Variants in ZNF804B observed in about 807,000 individuals in gnomAD.
The protein encoded by ZNF804B is zinc finger 804B.
A neutral mutation model predicts 101.4 loss-of-function variants in ZNF804B; 80 were observed. The ratio of observed to expected loss-of-function variants is 0.79; its 90% confidence interval spans 0.66 to 0.95. The LOEUF (loss-of-function observed/expected upper bound fraction) is 0.95. Ranked by LOEUF, ZNF804B falls within the 40% of genes least tolerant of loss-of-function variation. The probability of loss-of-function intolerance (pLI) is 0.00; values close to 1 mark genes in which losing one functional copy is unlikely to be tolerated. For missense variants in ZNF804B, 1,673 were observed against 1,561.9 expected (o/e 1.07, Z -1.20); for synonymous variants, 622 against 558.8 (o/e 1.11, Z -1.59).
At chr7:89,327,209 G>A in intron 2 of ZNF804B, 135 bp from the exon 3 acceptor site, 1 of 733,740 alleles carries the variant, frequency 1.4e-6, no homozygotes, top group Non-Finnish European at 2.0e-6. Flanking sequence ...TAGCAACAAT[G>A]GAGAAGATAC....
intron 1 of ZNF804B, among the ~76,000 whole-genome samples, chr7:88,770,065 C>A (rs888753299): frequency 5.3e-5 from 8 of 152,032 alleles, no homozygotes; most frequent in African/African-American, 1.7e-4. Context: ...AAATTCTTTG[C>A]CTTATTTATA....
intron 2 of ZNF804B, among the ~76,000 whole-genome samples, chr7:89,271,995 C>A (rs542202041): frequency 6.6e-5 from 10 of 152,078 alleles, no homozygotes; most frequent in Admixed American, 4.6e-4. Flanking sequence ...TAAAAACCTT[C>A]ATTGTGTCTT....
intron 1 of ZNF804B, among the ~76,000 whole-genome samples, chr7:89,015,161 A>G (rs1788526778): frequency 6.6e-6 from 1 of 152,124 alleles, no homozygotes; most frequent in African/African-American, 2.4e-5. Flanking sequence ...GGCTGCAGCT[A>G]TGTGAATTAC....
intron 1 of ZNF804B, among the ~76,000 whole-genome samples, chr7:89,181,762 T>A (rs1340622024): frequency 6.6e-6 from 1 of 152,232 alleles, no homozygotes; most frequent in Non-Finnish European, 1.5e-5. Flanking sequence ...TATTTAGCCA[T>A]CTTGTTTTGC....
intron 1 of ZNF804B, among the ~76,000 whole-genome samples, chr7:89,015,786 G>T (rs1192665905): frequency 6.6e-6 from 1 of 152,056 alleles, no homozygotes; most frequent in Non-Finnish European, 1.5e-5. Flanking sequence ...GAATAGTGCC[G>T]CAATAAACAT....
chr7:89,185,246 A>G (rs1206017594), intron 1 of ZNF804B, among the ~76,000 whole-genome samples: 1 of 152,206 alleles, frequency 6.6e-6, no homozygotes, highest in African/African-American at 2.4e-5. Context: ...CTGAAGCTAT[A>G]AACTTGATTT....
chr7:88,820,933 C>A (rs1790971528), intron 1 of ZNF804B, among the ~76,000 whole-genome samples: 1 of 152,046 alleles, frequency 6.6e-6, no homozygotes, highest in African/African-American at 2.4e-5. Flanking sequence ...TGTCAGAAAG[C>A]AGTTTGTTTT....
At chr7:89,051,970 C>A (rs1398976926) in intron 1 of ZNF804B, among the ~76,000 whole-genome samples, 1 of 152,054 alleles carries the variant, frequency 6.6e-6, no homozygotes, top group East Asian at 1.9e-4. Flanking sequence ...ACATTTTCCC[C>A]TTGTGATTTT....
chr7:88,968,385 TCAC>T lies in ZNF804B; in HGVS notation c.108+208302_108+208304del, dbSNP rs1161605220. Among the ~76,000 whole-genome samples the T allele has an allele frequency of 5.3e-5, 8 of 151,742 alleles. No individual in the cohort carries two copies. The East Asian group carries it at 1.6e-3, about 30-fold the overall frequency. ...TCTGATTGTATCATTTTTGCTCTTGTCACTAATTTGTATTCTTTTTTCCTTCCT... is the reference window on the plus strand; with the variant it reads ...TCTGATTGTATCATTTTTGCTCTTGTTAATTTGTATTCTTTTTTCCTTCCT... On this transcript the variant is annotated intron_variant, in intron 1 of 3. Coordinates refer to ENST00000333190, the MANE Select transcript of ZNF804B (RefSeq NM_181646.5).
At chr7:88,953,746 C>G (rs1277210502) in intron 1 of ZNF804B, among the ~76,000 whole-genome samples, 2 of 151,624 alleles carry the variant, frequency 1.3e-5, no homozygotes, top group East Asian at 3.9e-4. Flanking sequence ...AGGACCTAGT[C>G]TCCCAAAACA....
chr7:88,804,756 T>G (rs1790658917), intron 1 of ZNF804B, among the ~76,000 whole-genome samples: 1 of 152,152 alleles, frequency 6.6e-6, no homozygotes, highest in Non-Finnish European at 1.5e-5. Flanking sequence ...AATATCTATT[T>G]TAGTGCTTCC....
At position 89,334,688 on chromosome 7, in the gene ZNF804B, G is replaced by A; in HGVS notation, c.1706G>A (p.Ser569Asn). 3.1e-6 allele frequency: 5 copies of A among 1,613,640 alleles called. No homozygotes were observed. Among genetic ancestry groups the A allele is most frequent in the Non-Finnish European group, 4.2e-6 (5 of 1,179,780 alleles). Residue 569 changes from serine (S) to asparagine (N), a missense_variant, in exon 4 of 4, where the codon AGT (serine) becomes AAT (asparagine). Physicochemically the swap from Ser to Asn is conservative, Grantham distance 46 (BLOSUM62 1). Transcript: ENST00000333190. ...SEPNKSEYTF[S>N]ANDLEMKNPK... ...CCAAATAAGAGTGAATATACTTTCA[G>A]TGCAAATGATTTGGAAATGAAAAAT...
chr7:89,100,352 T>G (rs1790036167), intron 1 of ZNF804B, among the ~76,000 whole-genome samples: 1 of 152,142 alleles, frequency 6.6e-6, no homozygotes, highest in South Asian at 2.1e-4. Flanking sequence ...CATCCAACTA[T>G]GAAACTACTA....
chr7:89,294,819 C>T (rs2115905783), intron 2 of ZNF804B, among the ~76,000 whole-genome samples: 1 of 152,092 alleles, frequency 6.6e-6, no homozygotes, highest in South Asian at 2.1e-4. Flanking sequence ...CTCTTTAGCT[C>T]CATTCATTCT....
At chr7:89,053,036 G>T (rs529098171) in intron 1 of ZNF804B, among the ~76,000 whole-genome samples, 1 of 152,128 alleles carries the variant, frequency 6.6e-6, no homozygotes, top group South Asian at 2.1e-4. Context: ...CAAAAGAATC[G>T]CCAACTTCTC....
intron 2 of ZNF804B, among the ~76,000 whole-genome samples, chr7:89,299,348 T>TA (rs1790443590): frequency 6.6e-6 from 1 of 152,064 alleles, no homozygotes; most frequent in African/African-American, 2.4e-5. Context: ...ATTTTGCATA[T>TA]AAAAAATCTA....
intron 3 of ZNF804B, among the ~76,000 whole-genome samples, chr7:89,330,787 CA>C (rs1258061683): frequency 6.6e-6 from 1 of 150,638 alleles, no homozygotes; most frequent in Non-Finnish European, 1.5e-5. Flanking sequence ...GAATTAAGGA[CA>C]AGAAGCTAGA....
intron 2 of ZNF804B, among the ~76,000 whole-genome samples, chr7:89,246,890 A>G (rs1789456510): frequency 6.6e-6 from 1 of 151,942 alleles, no homozygotes; most frequent in Admixed American, 6.6e-5. Flanking sequence ...AGAGATCTGT[A>G]TGCATGGGTG....
At chr7:89,210,758 G>T (rs527842048) in intron 1 of ZNF804B, among the ~76,000 whole-genome samples, 1 of 152,158 alleles carries the variant, frequency 6.6e-6, no homozygotes, top group Non-Finnish European at 1.5e-5. Context: ...ATGGGCATTT[G>T]AGTTGATTCC....
Sources: gnomAD v4.1 joint callset for allele counts (sites outside exome capture counted in the v4.1 genomes callset) on GRCh38, gnomAD v4.1.1 for gene constraint, MANE v1.5 for transcripts, NCBI Gene and HGNC (gene_info 2026-07-23, HGNC 2026-07-21) for gene names.